The following FLOT2 variants were observed in gnomAD, a reference collection of about 807,000 sequenced individuals.
FLOT2 encodes the protein flotillin-2.
Under a neutral mutation model 54.9 loss-of-function variants are expected in FLOT2, and 35 were observed. The observed-to-expected ratio is 0.64, with a 90% CI of 0.49 to 0.84. FLOT2 has a LOEUF of 0.84. Among genes scored for constraint, FLOT2 ranks in the 40% least tolerant of loss-of-function variants. FLOT2 has a pLI of 0.00. For synonymous variants in FLOT2, 207 were observed against 228.9 expected (o/e 0.90, Z 0.86); for missense variants, 464 against 572.1 (o/e 0.81, Z 1.93).
chr17:28,886,062 G>C, intron 2 of FLOT2: 1 of 619,292 alleles, frequency 1.6e-6, no homozygotes, highest in East Asian at 2.9e-5. Flanking sequence ...TGGGGGCGGG[G>C]GGGGGCATGC....
Position 28,882,717 on chromosome 17 carries a change from G to T in FLOT2, c.347-26C>A. Reference sequence around the variant, plus strand: ...CTGGGGGCAGAGGGATCAAGGGCTGGCTCCCCAGGGACCCAGCCAGCTGGG... The same window carrying T: ...CTGGGGGCAGAGGGATCAAGGGCTGTCTCCCCAGGGACCCAGCCAGCTGGG... On this transcript the variant is annotated intron_variant, in intron 4 of 10. Transcript: ENST00000394908. The surrounding 1 kb of genome is among the most constrained non-coding windows in gnomAD (Gnocchi z 5.6). 2 of 1,490,726 alleles carry T rather than the reference G, an allele frequency of 1.3e-6. No homozygotes were observed. Among genetic ancestry groups the T allele is most frequent in the Non-Finnish European group, 1.9e-6 (2 of 1,069,668 alleles). The allele number at this position is 1,490,726 out of a possible 1,614,324, so 92.3% of individuals were successfully genotyped here.
rs1333485944 is a variant in FLOT2 at position 28,897,516 on chromosome 17, G to A, written c.49+10C>T. ...CTCCACAGCTCCCACCTTCCTCGCCGCCCCCTCACCTGAAACCACCAGCGC... is the reference window on the plus strand; with the variant it reads ...CTCCACAGCTCCCACCTTCCTCGCCACCCCCTCACCTGAAACCACCAGCGC... On this transcript the variant is annotated intron_variant, in intron 1 of 10. Coordinates refer to ENST00000394908, the MANE Select transcript of FLOT2 (RefSeq NM_004475.3). The surrounding 1 kb of genome is among the most constrained non-coding windows in gnomAD (Gnocchi z 4.4). 6.2e-7 allele frequency: 1 copy of A among 1,602,934 alleles called. No homozygotes were observed. Among genetic ancestry groups the A allele is most frequent in the South Asian group, 1.1e-5 (1 of 89,522 alleles).
At position 28,895,514 on chromosome 17, in the gene FLOT2, C is replaced by T. The variant is rs137920183; in HGVS notation, c.49+2012G>A. Among the ~76,000 whole-genome samples the T allele has an allele frequency of 6.7e-4, 102 of 152,252 alleles. No homozygotes were observed. The East Asian group carries it at 0.01, about 16-fold the overall frequency. On this transcript the variant is annotated intron_variant, in intron 1 of 10. Transcript: ENST00000394908. ...CTGACCTCAGTTGATCCTCCCATCT[C>T]GGCCTCCCAAAGTGCTGGAATTACA... is the stretch of plus-strand genomic sequence containing the variant.
chr17:28,886,852 C>T (rs75307258), intron 2 of FLOT2, among the ~76,000 whole-genome samples: 3,063 of 152,252 alleles, frequency 0.02, 101 homozygotes, highest in African/African-American at 0.07. Context: ...GGAGGGGCCA[C>T]CCCCACAGTG....
At chr17:28,886,063 G>A (rs924879540) in intron 2 of FLOT2, 1 of 610,584 alleles carries the variant, frequency 1.6e-6, no homozygotes, top group Admixed American at 2.1e-5. Context: ...GGGGGCGGGG[G>A]GGGGCATGCT....
At chr17:28,887,861 G>A (rs567754411) in intron 2 of FLOT2, among the ~76,000 whole-genome samples, 4 of 152,324 alleles carry the variant, frequency 2.6e-5, no homozygotes, top group Admixed American at 6.5e-5. Flanking sequence ...ACCTCTGGTC[G>A]GGTAAAGTGA....
In FLOT2 at chr17:28,883,548, C is replaced by T. The variant is rs544634684; in HGVS notation, c.223-317G>A. Among the ~76,000 whole-genome samples the T allele has an allele frequency of 1.3e-5, 2 of 152,044 alleles. No individual in the cohort carries two copies. Among genetic ancestry groups the T allele is most frequent in the South Asian group, 2.1e-4 (1 of 4,820 alleles). On this transcript the variant is annotated intron_variant, in intron 3 of 10. Coordinates refer to ENST00000394908, the MANE Select transcript of FLOT2 (RefSeq NM_004475.3). This position sits in a 1 kb window ranked among gnomAD's most constrained non-coding sequence, Gnocchi z 5.0. Reference sequence around the variant, plus strand: ...ATTCCTCCCTTGCAGGCTTCCTACACGTGGGAGACCCTCAGGCTGAGGGGC... The same window carrying T: ...ATTCCTCCCTTGCAGGCTTCCTACATGTGGGAGACCCTCAGGCTGAGGGGC...
Position 28,884,463 on chromosome 17 carries a change from GAGA to G in FLOT2, c.132-151_132-149del. On this transcript the variant is annotated intron_variant, in intron 2 of 10. Coordinates refer to ENST00000394908, the MANE Select transcript of FLOT2 (RefSeq NM_004475.3). The surrounding 1 kb of genome is among the most constrained non-coding windows in gnomAD (Gnocchi z 5.1). ...CCACGGGGCTGAGATGGGAGTGTCT[GAGA>G]AGGAGGTGGGCACGAGGGCAGGGTG... 3 of 604,798 alleles carry G rather than the reference GAGA, an allele frequency of 5.0e-6. No individual in the cohort carries two copies. Among genetic ancestry groups the G allele is most frequent in the East Asian group, 2.8e-5 (1 of 35,424 alleles). The allele number at this position is 604,798 out of a possible 1,614,324, so 37.5% of individuals were successfully genotyped here.
At position 28,882,931 on chromosome 17, in the gene FLOT2, C is replaced by G. The variant is rs867100479; in HGVS notation, c.346+177G>C. ...GCAGACCGACAGCCCCCATCCCACC[C>G]CTTCACTCATACCCTCTCCTTAACT... On this transcript the variant is annotated intron_variant, in intron 4 of 10. Coordinates refer to ENST00000394908, the MANE Select transcript of FLOT2 (RefSeq NM_004475.3). The surrounding 1 kb of genome is among the most constrained non-coding windows in gnomAD (Gnocchi z 5.6). 4 of 685,896 alleles carry G rather than the reference C, an allele frequency of 5.8e-6. No homozygotes were observed. The highest frequency in any genetic ancestry group is 4.1e-4 in the Middle Eastern group (1 of 2,454). The allele number at this position is 685,896 out of a possible 1,614,324, so 42.5% of individuals were successfully genotyped here.
In FLOT2 at chr17:28,884,171, A is replaced by G; in HGVS notation, c.222+54T>C. On this transcript the variant is annotated intron_variant, in intron 3 of 10. Coordinates refer to ENST00000394908, the MANE Select transcript of FLOT2 (RefSeq NM_004475.3). The surrounding 1 kb of genome is among the most constrained non-coding windows in gnomAD (Gnocchi z 5.1). ...TCCTCTCCTCCTCCCCCCGAACCCG[A>G]GTACGGGACCAGGCAGCTCAACGGA... 1 of 1,340,428 alleles carries G rather than the reference A, an allele frequency of 7.5e-7. No homozygotes were observed. Among genetic ancestry groups the G allele is most frequent in the Non-Finnish European group, 1.1e-6 (1 of 931,674 alleles). 83.0% of individuals were successfully genotyped at this position (1,340,428 alleles called of 1,614,324 possible).
At chr17:28,896,363 C>T (rs1003854037) in intron 1 of FLOT2, among the ~76,000 whole-genome samples, 1 of 152,160 alleles carries the variant, frequency 6.6e-6, no homozygotes, top group Non-Finnish European at 1.5e-5. Context: ...AAAGCCTTCT[C>T]TAAGGGTGGG....
At chr17:28,885,174 GCTC>G (rs1360810580) in intron 2 of FLOT2, among the ~76,000 whole-genome samples, 1 of 152,212 alleles carries the variant, frequency 6.6e-6, no homozygotes, top group African/African-American at 2.4e-5. Context: ...CACACAAGGT[GCTC>G]CAAGCCTCCC....
chr17:28,882,370 G>A lies in FLOT2; in HGVS notation c.546C>T (p.Gly182=), dbSNP rs775072847. The change falls in exon 6 of 11, where the codon GGC becomes GGT. Residue 182 remains glycine (G), a synonymous_variant. Coordinates refer to ENST00000394908, the MANE Select transcript of FLOT2 (RefSeq NM_004475.3). This position sits in a 1 kb window ranked among gnomAD's most constrained non-coding sequence, Gnocchi z 5.6. The stretch of plus-strand genomic sequence containing the variant: ...CTGCGTCCCGTTCAGCCTCGGCCAC[G>A]CCAATGTCAGCATCTCTCTGCACCA... ...TAVVQRDADI[G]VAEAERDAGI... The A allele has an allele frequency of 1.1e-5, 18 of 1,613,844 alleles. No homozygotes were observed. Among genetic ancestry groups the A allele is most frequent in the African/African-American group, 9.3e-5 (7 of 74,890 alleles).
Position 28,882,295 on chromosome 17 carries a change from G to A in FLOT2, c.579+42C>T. 1 of 1,613,914 alleles carries A rather than the reference G, an allele frequency of 6.2e-7. No homozygotes were observed. Among genetic ancestry groups the A allele is most frequent in the Non-Finnish European group, 8.5e-7 (1 of 1,179,910 alleles). On this transcript the variant is annotated intron_variant, in intron 6 of 10. Coordinates refer to ENST00000394908, the MANE Select transcript of FLOT2 (RefSeq NM_004475.3). The surrounding 1 kb of genome is among the most constrained non-coding windows in gnomAD (Gnocchi z 5.6). ...GTGAGTAGAGGTCCTGAGTCATCAT[G>A]GTCCCATCACCCCTGAGCTTCCCAT...
At chr17:28,890,779 T>C (rs1436426547) in intron 1 of FLOT2, among the ~76,000 whole-genome samples, 3 of 151,888 alleles carry the variant, frequency 2.0e-5, no homozygotes, top group Admixed American at 6.6e-5. Flanking sequence ...GGCAGTTAAC[T>C]TGCAGTGCAA....
chr17:28,888,554 T>C (rs574600772), intron 2 of FLOT2, among the ~76,000 whole-genome samples: 6 of 152,302 alleles, frequency 3.9e-5, no homozygotes, highest in African/African-American at 1.4e-4. Flanking sequence ...CCTCCAGCCT[T>C]TCCTCCCTTC....
intron 2 of FLOT2, chr17:28,886,066 G>T: frequency 5.1e-5 from 30 of 588,890 alleles, no homozygotes; most frequent in Middle Eastern, 4.5e-4. Context: ...GGCGGGGGGG[G>T]GCATGCTGTC....
rs984291910 is a variant in FLOT2 at position 28,883,485 on chromosome 17, C to A, written c.223-254G>T. ...CCTCTCCTGGGCATTCGGGGCTTGT[C>A]TCCCCACCCCTCCAGCCTACTGTCC... On this transcript the variant is annotated intron_variant, in intron 3 of 10. Transcript: ENST00000394908. The surrounding 1 kb of genome is among the most constrained non-coding windows in gnomAD (Gnocchi z 5.0). Among the ~76,000 whole-genome samples, 3 of 152,324 alleles carry A rather than the reference C, an allele frequency of 2.0e-5. No homozygotes were observed. The highest frequency in any genetic ancestry group is 1.3e-4 in the Admixed American group (2 of 15,302).
Position 28,879,370 on chromosome 17 carries a change from G to A in FLOT2, c.*1191C>T, listed in dbSNP as rs924404221. On this transcript the variant is annotated 3_prime_UTR_variant, in exon 11 of 11. Coordinates refer to ENST00000394908, the MANE Select transcript of FLOT2 (RefSeq NM_004475.3). Reference sequence around the variant, plus strand: ...TTAAGAGTTCTTTATTTTACCAGAAGGGACAGGCAGTGGGGCAGTGCAACA... The same window carrying A: ...TTAAGAGTTCTTTATTTTACCAGAAAGGACAGGCAGTGGGGCAGTGCAACA... The A allele has an allele frequency of 4.0e-6, 4 of 988,090 alleles. No individual in the cohort carries two copies. Among genetic ancestry groups the A allele is most frequent in the Non-Finnish European group, 4.8e-6 (4 of 830,214 alleles). The allele number at this position is 988,090 out of a possible 1,614,324, so 61.2% of individuals were successfully genotyped here.
Sources: gnomAD v4.1 joint callset for allele counts (sites outside exome capture counted in the v4.1 genomes callset) on GRCh38, gnomAD v4.1.1 for gene constraint, Gnocchi (gnomAD v3.1) non-coding constraint, MANE v1.5 for transcripts, NCBI Gene and HGNC (gene_info 2026-07-23, HGNC 2026-07-21) for gene names.